The following RYR1 variants were observed in gnomAD, a reference collection of about 807,000 sequenced individuals.
The protein encoded by RYR1 is ryanodine receptor 1.
RYR1 carries 342 observed loss-of-function variants against 583.5 expected under a neutral mutation model. The observed-to-expected ratio is 0.59, with a 90% CI of 0.54 to 0.64. The LOEUF (loss-of-function observed/expected upper bound fraction) is 0.64. Among genes scored for constraint, RYR1 ranks in the 30% least tolerant of loss-of-function variants. The pLI is 0.00. For missense variants in RYR1, 6,032 were observed against 6,917.2 expected (o/e 0.87, Z 4.54); for synonymous variants, 2,791 against 2,822.5 (o/e 0.99, Z 0.35).
intron 82 of RYR1, 50 bp from the exon 83 acceptor site, chr19:38,536,700 T>TTTTCTC: frequency 6.2e-7 from 1 of 1,612,248 alleles, no homozygotes; most frequent in East Asian, 2.2e-5. Flanking sequence ...CTCCCTCTCT[T>TTTTCTC]TTTCTCTCTT....
In RYR1 at chr19:38,483,243, CAG is replaced by C; in HGVS notation, c.4708-44_4708-43del. The C allele has an allele frequency of 6.4e-7, 1 of 1,574,392 alleles. No individual in the cohort carries two copies. On this transcript the variant is annotated intron_variant, in intron 32 of 105. Coordinates refer to ENST00000359596, the MANE Select transcript of RYR1 (RefSeq NM_000540.3). This position sits in a 1 kb window ranked among gnomAD's most constrained non-coding sequence, Gnocchi z 6.3. ...TCTCCCTGGAAGTGGTGTGGTGGGA[CAG>C]AGGGGGCTGGCCATCTTGACCCATG...
chr19:38,499,549 C>A lies in RYR1; in HGVS notation c.7028-86C>A. 1 of 1,462,602 alleles carries A rather than the reference C, an allele frequency of 6.8e-7. No individual in the cohort carries two copies. The highest frequency in any genetic ancestry group is 9.4e-7 in the Non-Finnish European group (1 of 1,068,914). 90.6% of individuals were successfully genotyped at this position (1,462,602 alleles called of 1,614,324 possible). ...CTGGAGCTGGATGGGACCTGTGTTA[C>A]CCCTGGAGGTGTTGGGTCCTGGGGC... On this transcript the variant is annotated intron_variant, in intron 43 of 105. Transcript: ENST00000359596. The surrounding 1 kb of genome is among the most constrained non-coding windows in gnomAD (Gnocchi z 7.3).
chr19:38,531,220 G>A (rs1041561077), intron 76 of RYR1, among the ~76,000 whole-genome samples: 1 of 152,084 alleles, frequency 6.6e-6, no homozygotes, highest in Middle Eastern at 3.4e-3. Flanking sequence ...CGGGCTGCAA[G>A]GTGATGAAGA....
intron 90 of RYR1, among the ~76,000 whole-genome samples, chr19:38,564,610 C>T (rs1599633136): frequency 6.6e-6 from 1 of 151,972 alleles, no homozygotes; most frequent in South Asian, 2.1e-4. Context: ...CTCCGCCTCC[C>T]GGGTTCAAGT....
At position 38,532,608 on chromosome 19, in the gene RYR1, A is replaced by G. The variant is rs1015392626; in HGVS notation, c.11194-63A>G. The G allele has an allele frequency of 3.7e-6, 6 of 1,613,690 alleles. No individual in the cohort carries two copies. In the African/African-American group the frequency reaches 8.0e-5, roughly 22 times the overall value. Reference sequence around the variant, plus strand: ...CCCACCTGCAGTGCTTGTCCACAAAAAGGGCTGGGGCGGGATGGAGGGGTC... The same window carrying G: ...CCCACCTGCAGTGCTTGTCCACAAAGAGGGCTGGGGCGGGATGGAGGGGTC... On this transcript the variant is annotated intron_variant, in intron 77 of 105. Coordinates refer to ENST00000359596, the MANE Select transcript of RYR1 (RefSeq NM_000540.3).
intron 47 of RYR1, 31 bp downstream of exon 47, chr19:38,501,021 C>T (rs1359818945): frequency 1.2e-6 from 2 of 1,607,594 alleles, no homozygotes; most frequent in Non-Finnish European, 1.7e-6. Flanking sequence ...TGGCCACCCT[C>T]CCCACTTCCA....
intron 89 of RYR1, among the ~76,000 whole-genome samples, chr19:38,551,824 A>C (rs1002677732): frequency 1.3e-5 from 2 of 151,842 alleles, no homozygotes; most frequent in African/African-American, 4.8e-5. Flanking sequence ...CTTACCCTTC[A>C]CTGTGCCTGA....
chr19:38,483,124 A>C lies in RYR1; in HGVS notation c.4707+11A>C, dbSNP rs754528053. 6.2e-7 allele frequency: 1 copy of C among 1,612,646 alleles called. No individual in the cohort carries two copies. Among genetic ancestry groups the C allele is most frequent in the South Asian group, 1.1e-5 (1 of 91,064 alleles). ...CTGGGGAAGCAGAAGGTACAAGTGC[A>C]GTGATGGGGGCACTAATGGGGCCAG... On this transcript the variant is annotated intron_variant, in intron 32 of 105. Transcript: ENST00000359596. The surrounding 1 kb of genome is among the most constrained non-coding windows in gnomAD (Gnocchi z 6.3).
At chr19:38,541,432 T>C (rs1223220218) in intron 84 of RYR1, among the ~76,000 whole-genome samples, 1 of 152,218 alleles carries the variant, frequency 6.6e-6, no homozygotes, top group East Asian at 1.9e-4. Flanking sequence ...AAGGATTTCC[T>C]CGGCTGGGTG....
intron 39 of RYR1, among the ~76,000 whole-genome samples, chr19:38,495,682 T>C (rs1177371158): frequency 6.6e-6 from 1 of 152,146 alleles, no homozygotes; most frequent in Non-Finnish European, 1.5e-5. Context: ...CAAAGATCTC[T>C]GCCCTAGAGG....
At chr19:38,511,013 A>G (rs1378604248) in intron 60 of RYR1, among the ~76,000 whole-genome samples, 3 of 152,156 alleles carry the variant, frequency 2.0e-5, no homozygotes, top group Admixed American at 6.5e-5. Flanking sequence ...GGCCAACTCA[A>G]GGCCGGGCGT....
chr19:38,499,105 C>T lies in RYR1; in HGVS notation c.6892-3C>T. 1 of 1,614,018 alleles carries T rather than the reference C, an allele frequency of 6.2e-7. No homozygotes were observed. On this transcript the variant is annotated splice_region_variant and splice_polypyrimidine_tract_variant and intron_variant, in intron 42 of 105. Coordinates refer to ENST00000359596, the MANE Select transcript of RYR1 (RefSeq NM_000540.3). This position sits in a 1 kb window ranked among gnomAD's most constrained non-coding sequence, Gnocchi z 7.3. ...TCTCTGACTGAGCCCCTTCTGCCCC[C>T]AGGTTGTGTCCTACCTGGCAGGCTG...
intron 90 of RYR1, among the ~76,000 whole-genome samples, chr19:38,563,271 T>G (rs139046085): frequency 4.6e-5 from 7 of 152,146 alleles, no homozygotes; most frequent in Admixed American, 2.6e-4. Flanking sequence ...CACTACGGTG[T>G]TGTTGTTGTT....
At chr19:38,490,407 T>A in intron 36 of RYR1, 131 bp downstream of exon 36, 1 of 953,590 alleles carries the variant, frequency 1.0e-6, no homozygotes, top group Non-Finnish European at 1.6e-6. Flanking sequence ...TACATTTATC[T>A]CCTACTCTCT....
At chr19:38,473,907 A>T (rs1472122925) in intron 28 of RYR1, 136 bp downstream of exon 28, 1 of 666,654 alleles carries the variant, frequency 1.5e-6, no homozygotes, top group Non-Finnish European at 2.5e-6. Flanking sequence ...GAATACCGAG[A>T]GATTCTATCA....
chr19:38,535,514 C>T (rs562088994), intron 81 of RYR1, 122 bp downstream of exon 81: 55 of 803,552 alleles, frequency 6.8e-5, no homozygotes, highest in Admixed American at 4.7e-4. Flanking sequence ...CACTCAGAAT[C>T]GCTCAAATAA....
rs2145602673 is a variant in RYR1, at chr19:38,500,067, T to C, written c.7323+51T>C. The C allele has an allele frequency of 5.3e-6, 8 of 1,516,932 alleles. No individual in the cohort carries two copies. The highest frequency in any genetic ancestry group is 1.4e-5 in the African/African-American group (1 of 73,058). 94.0% of individuals were successfully genotyped at this position (1,516,932 alleles called of 1,614,324 possible). A position where few individuals can be genotyped will look rare whatever the true frequency, so the allele number is the denominator to read the frequency against. ...GGGAAGGGAGGGCAGGCACAGCCGC[T>C]TTGAACGCCTCATGCAGGCACTCGG... On this transcript the variant is annotated intron_variant, in intron 45 of 105. Coordinates refer to ENST00000359596, the MANE Select transcript of RYR1 (RefSeq NM_000540.3). This position sits in a 1 kb window ranked among gnomAD's most constrained non-coding sequence, Gnocchi z 5.9.
chr19:38,459,666 C>CTGA (rs3837966), intron 19 of RYR1, among the ~76,000 whole-genome samples: 94,079 of 151,164 alleles, frequency 0.62, 29,849 homozygotes, highest in Middle Eastern at 0.7. Context: ...ACTCCAGAAT[C>CTGA]TGATGATCTC....
In RYR1 at chr19:38,504,966, C is replaced by T. The variant is rs1406669782; in HGVS notation, c.8232-37C>T. The stretch of plus-strand genomic sequence containing the variant: ...GAAGATTTCAGGGGTGGAGGGAACC[C>T]CAGCTCCAACATCTGCTGACCCTGT... On this transcript the variant is annotated intron_variant, in intron 51 of 105. Coordinates refer to ENST00000359596, the MANE Select transcript of RYR1 (RefSeq NM_000540.3). The T allele has an allele frequency of 6.8e-6, 11 of 1,613,874 alleles. No homozygotes were observed. In the South Asian group the frequency reaches 1.2e-4, roughly 18 times the overall value.
Sources: allele counts gnomAD v4.1 joint callset (sites outside exome capture counted in the v4.1 genomes callset), GRCh38; gene constraint gnomAD v4.1.1; non-coding constraint Gnocchi (gnomAD v3.1); transcripts MANE v1.5; gene names NCBI Gene and HGNC (gene_info 2026-07-23, HGNC 2026-07-21).